SHROOM4: variants seen among roughly 807,000 people sequenced by gnomAD.
SHROOM4 encodes the protein protein Shroom4.
SHROOM4 carries 17 observed loss-of-function variants against 80.3 expected under a neutral mutation model. The ratio of observed to expected loss-of-function variants is 0.21; its 90% confidence interval spans 0.14 to 0.32. The LOEUF is 0.32. Ranked by LOEUF, SHROOM4 falls within the 10% of genes least tolerant of loss-of-function variation. The pLI is 1.00. For synonymous variants in SHROOM4, 400 were observed against 437.5 expected (o/e 0.91, Z 1.07); for missense variants, 993 against 1,140.3 (o/e 0.87, Z 1.86).
intron 1 of SHROOM4, among the ~76,000 whole-genome samples, chrX:50,786,213 C>T (rs1282868024): frequency 2.7e-5 from 3 of 111,837 alleles, no homozygotes; most frequent in African/African-American, 9.8e-5. Context: ...ATGTCCAGTG[C>T]CCCAACTTTT....
chrX:50,704,224 ATCAAT>A (rs1933596125), intron 1 of SHROOM4, among the ~76,000 whole-genome samples: 1 of 112,083 alleles, frequency 8.9e-6, no homozygotes, highest in Non-Finnish European at 1.9e-5. Context: ...AAGAGGACAT[ATCAAT>A]TCATTGTCAT....
intron 2 of SHROOM4, among the ~76,000 whole-genome samples, chrX:50,658,130 C>T (rs1932375531): frequency 8.9e-6 from 1 of 112,305 alleles, no homozygotes; most frequent in Admixed American, 9.4e-5. Flanking sequence ...TCACTGGATA[C>T]TGAATCTGCT....
intron 1 of SHROOM4, among the ~76,000 whole-genome samples, chrX:50,699,248 T>C (rs1297915504): frequency 8.9e-6 from 1 of 112,133 alleles, no homozygotes; most frequent in Non-Finnish European, 1.9e-5. Context: ...ATTGATTACA[T>C]AGAGGTCATA....
chrX:50,658,681 G>A (rs1557259689), intron 2 of SHROOM4, among the ~76,000 whole-genome samples: 1 of 111,398 alleles, frequency 9.0e-6, no homozygotes, highest in East Asian at 2.8e-4. Flanking sequence ...TAGAGGGATA[G>A]GAAGGGAAGA....
At chrX:50,679,238 GA>G (rs1932895544) in intron 2 of SHROOM4, among the ~76,000 whole-genome samples, 1 of 110,686 alleles carries the variant, frequency 9.0e-6, no homozygotes, top group Non-Finnish European at 1.9e-5. Flanking sequence ...GATAAGCATT[GA>G]GAAAAGAACT....
At chrX:50,781,286 C>T (rs782692195) in intron 1 of SHROOM4, among the ~76,000 whole-genome samples, 1 of 111,529 alleles carries the variant, frequency 9.0e-6, no homozygotes, top group African/African-American at 3.3e-5. Context: ...CATCCCTTAG[C>T]CCAGTCAAGT....
Position 50,596,559 on chromosome X carries a change from A to C in SHROOM4, c.*136T>G. On this transcript the variant is annotated 3_prime_UTR_variant, in exon 9 of 9. Transcript: ENST00000376020. ...TTAGGACCACTGCTAGGGAAGGGGT[A>C]GTGAGAGACATCCAGGGTAGAGGGC... The C allele has an allele frequency of 1.2e-6, 1 of 842,705 alleles. No individual in the cohort carries two copies. Among genetic ancestry groups the C allele is most frequent in the Non-Finnish European group, 1.7e-6 (1 of 585,263 alleles). 69.4% of individuals were successfully genotyped at this position (842,705 alleles called of 1,213,427 possible). A position where few individuals can be genotyped will look rare whatever the true frequency, so the allele number is the denominator to read the frequency against.
At chrX:50,813,771 C>G in intron 1 of SHROOM4, 131 bp downstream of exon 1, 2 of 498,761 alleles carry the variant, frequency 4.0e-6, no homozygotes, top group Non-Finnish European at 3.6e-6. Flanking sequence ...CCCTCCGTGC[C>G]GCTCAGAGGG....
intron 5 of SHROOM4, among the ~76,000 whole-genome samples, chrX:50,622,291 A>G (rs1046343875): frequency 8.9e-6 from 1 of 112,088 alleles, no homozygotes; most frequent in African/African-American, 3.2e-5. Flanking sequence ...GTGGTCATGC[A>G]TATAAAAACA....
chrX:50,754,750 T>C (rs921673263), intron 1 of SHROOM4, among the ~76,000 whole-genome samples: 33 of 111,989 alleles, frequency 2.9e-4, no homozygotes, highest in Non-Finnish European at 1.3e-4. Flanking sequence ...GTATGTCAAA[T>C]GGGCTACAAG....
At chrX:50,656,366 G>A (rs1290150107) in intron 2 of SHROOM4, among the ~76,000 whole-genome samples, 1 of 111,933 alleles carries the variant, frequency 8.9e-6, no homozygotes, top group Non-Finnish European at 1.9e-5. Flanking sequence ...ATGTTTCCTT[G>A]TAGTAGTTTT....
the SHROOM4 span, among the ~76,000 whole-genome samples, chrX:50,576,994 T>G: frequency 8.9e-6 from 1 of 112,447 alleles, no homozygotes; most frequent in Non-Finnish European, 1.9e-5. Context: ...AAGGAAAGTC[T>G]ATTGCATTTA....
chrX:50,694,418 C>G (rs1436105320), intron 2 of SHROOM4, among the ~76,000 whole-genome samples: 5 of 106,581 alleles, frequency 4.7e-5, no homozygotes, highest in Non-Finnish European at 9.7e-5. Flanking sequence ...GAGATAATAT[C>G]TCATTGTGGT....
At chrX:50,707,819 G>A (rs914472348) in intron 1 of SHROOM4, among the ~76,000 whole-genome samples, 1 of 111,283 alleles carries the variant, frequency 9.0e-6, no homozygotes. Flanking sequence ...ATAAAGAGAA[G>A]AGCTTTTAAG....
rs142609812 is a variant in SHROOM4 at position 50,801,982 on chromosome X, G to A, written c.117+11920C>T. On this transcript the variant is annotated intron_variant, in intron 1 of 8. Coordinates refer to ENST00000376020, the MANE Select transcript of SHROOM4 (RefSeq NM_020717.5). Reference sequence around the variant, plus strand: ...TGGCATAAGCATCTTTACAACATTCGGATTTTCAGTTCTTCACCATGTAGA... The same window carrying A: ...TGGCATAAGCATCTTTACAACATTCAGATTTTCAGTTCTTCACCATGTAGA... Among the ~76,000 whole-genome samples the A allele has an allele frequency of 2.6e-3, 289 of 111,745 alleles. 1 individual carries two copies. The highest frequency in any genetic ancestry group is 9.1e-3 in the African/African-American group (281 of 30,740).
intron 1 of SHROOM4, among the ~76,000 whole-genome samples, chrX:50,750,810 G>A (rs1474429637): frequency 2.7e-5 from 3 of 111,901 alleles, no homozygotes; most frequent in African/African-American, 9.7e-5. Flanking sequence ...ATCAGAGTGG[G>A]AAATGCTAGA....
chrX:50,683,311 G>C (rs1932983926), intron 2 of SHROOM4, among the ~76,000 whole-genome samples: 1 of 111,555 alleles, frequency 9.0e-6, no homozygotes, highest in Admixed American at 9.6e-5. Flanking sequence ...AGATAAACAG[G>C]CGTTCTATTT....
At chrX:50,709,968 ATC>A (rs1764759074) in intron 1 of SHROOM4, among the ~76,000 whole-genome samples, 1 of 111,783 alleles carries the variant, frequency 8.9e-6, no homozygotes, top group Admixed American at 9.5e-5. Flanking sequence ...CAGTGTAAAA[ATC>A]TCTGAATTAG....
intron 1 of SHROOM4, among the ~76,000 whole-genome samples, chrX:50,785,755 A>G (rs189978088): frequency 2.1e-4 from 23 of 111,592 alleles, no homozygotes; most frequent in African/African-American, 6.8e-4. Context: ...TTTCACACAC[A>G]TTTCAAAACT....
Sources: gnomAD v4.1 joint callset for allele counts (sites outside exome capture counted in the v4.1 genomes callset) on GRCh38, gnomAD v4.1.1 for gene constraint, MANE v1.5 for transcripts, NCBI Gene and HGNC (gene_info 2026-07-23, HGNC 2026-07-21) for gene names.